CATSPERG: variants seen among roughly 807,000 people sequenced by gnomAD.
The protein encoded by CATSPERG is cation channel sperm-associated auxiliary subunit gamma.
CATSPERG carries 115 observed loss-of-function variants against 145.0 expected under a neutral mutation model. That is an observed-to-expected ratio of 0.79 (90% CI 0.68 to 0.93). The LOEUF is 0.93. Among genes scored for constraint, CATSPERG ranks in the 40% least tolerant of loss-of-function variants. CATSPERG has a pLI of 0.00. For synonymous variants in CATSPERG, 588 were observed against 589.0 expected, an observed-to-expected ratio of 1.00 and a Z score of 0.02; for missense variants, 1,296 against 1,490.1, an observed-to-expected ratio of 0.87 and a Z score of 2.14.
In CATSPERG at chr19:38,352,296, C is replaced by T. The variant is rs1488087584; in HGVS notation, c.861C>T (p.Tyr287=). The part of the protein sequence containing the change: ...SIDSCWVGSF[Y]CPHSGFTATI... ...ACAGTTGCTGGGTGGGCTCCTTCTA[C>T]TGCCCCCATTCTGGCTTCACAGCCA... The change falls in exon 8 of 29, where the codon TAC becomes TAT. Residue 287 remains tyrosine (Y), a synonymous_variant. Transcript: ENST00000409235. 2 of 1,551,590 alleles carry T rather than the reference C, an allele frequency of 1.3e-6. No individual in the cohort carries two copies. Among genetic ancestry groups the T allele is most frequent in the East Asian group, 2.4e-5 (1 of 40,936 alleles).
chr19:38,344,762 C>T (rs984503249), intron 6 of CATSPERG, among the ~76,000 whole-genome samples: 2 of 113,996 alleles, frequency 1.8e-5, no homozygotes, highest in East Asian at 3.0e-4. Context: ...ATATATAGTA[C>T]ATACCTGTAC....
chr19:38,360,521 C>A lies in CATSPERG; in HGVS notation c.1641C>A (p.Val547=), dbSNP rs957276895. The A allele has an allele frequency of 6.8e-6, 11 of 1,614,170 alleles. No individual in the cohort carries two copies. In the African/African-American group the frequency reaches 8.0e-5, roughly 12 times the overall value. Residue 547 remains valine (V), a synonymous_variant, in exon 15 of 29, where the codon GTC becomes GTA. Coordinates refer to ENST00000409235, the MANE Select transcript of CATSPERG (RefSeq NM_021185.5). ...IWYLLEGSYR[V]YQLFPSKGWQ... Reference sequence around the variant, plus strand: ...ACCTCCTGGAGGGCAGCTACCGGGTCTACCAGCTGTTCCCTTCCAAGGGCT... The same window carrying A: ...ACCTCCTGGAGGGCAGCTACCGGGTATACCAGCTGTTCCCTTCCAAGGGCT...
At chr19:38,362,684 G>C in intron 19 of CATSPERG, 30 bp from the exon 20 acceptor site, 1 of 1,610,704 alleles carries the variant, frequency 6.2e-7, no homozygotes. Context: ...CTGTGAGGGA[G>C]GCCTTAACCC....
At chr19:38,368,971 T>A (rs192836517) in intron 26 of CATSPERG, among the ~76,000 whole-genome samples, 143 of 152,208 alleles carry the variant, frequency 9.4e-4, no homozygotes, top group Admixed American at 4.8e-3. Flanking sequence ...TTAATTTTTG[T>A]ATTTTTTTTT....
In CATSPERG at chr19:38,343,646, C is replaced by T. The variant is rs920345457; in HGVS notation, c.391C>T (p.Gln131Ter). The change falls in exon 4 of 29, where the codon CAG becomes TAG. Residue 131 changes from glutamine (Q) to a stop codon, truncating the protein, a stop_gained. Coordinates refer to ENST00000409235, the MANE Select transcript of CATSPERG (RefSeq NM_021185.5). LOFTEE classifies it high-confidence loss of function. ...GLKPLVLVTF[Q>*]SPVNFYRWKI... The stretch of plus-strand genomic sequence containing the variant: ...AAAGCCCCTGGTGCTGGTCACCTTC[C>T]AGTCCCCAGTCAACTTCTACCGCTG... 3.9e-6 allele frequency: 6 copies of T among 1,551,552 alleles called. No individual in the cohort carries two copies. The highest frequency in any genetic ancestry group is 5.2e-6 in the Non-Finnish European group (6 of 1,146,944).
intron 3 of CATSPERG, among the ~76,000 whole-genome samples, chr19:38,342,817 TCTC>T (rs1346867814): frequency 4.0e-5 from 6 of 151,392 alleles, no homozygotes; most frequent in Non-Finnish European, 7.4e-5. Context: ...GAAACATCCT[TCTC>T]CTCTTCTCCC....
chr19:38,356,968 CA>C, intron 11 of CATSPERG, 107 bp downstream of exon 11: 1 of 1,408,730 alleles, frequency 7.1e-7, no homozygotes, highest in Non-Finnish European at 9.7e-7. Flanking sequence ...GGGAGGGCAA[CA>C]TTACCTGTGT....
At position 38,367,582 on chromosome 19, in the gene CATSPERG, T is replaced by C; in HGVS notation, c.2834+10T>C. The C allele has an allele frequency of 6.2e-7, 1 of 1,613,946 alleles. No homozygotes were observed. Among genetic ancestry groups the C allele is most frequent in the Non-Finnish European group, 8.5e-7 (1 of 1,179,856 alleles). ...GCAGTTTCCAGGGCAGGTAAAGGCG[T>C]GGCCAGCTTGCAGCTAGGGCAGGTG... On this transcript the variant is annotated intron_variant, in intron 24 of 28. Transcript: ENST00000409235.
chr19:38,353,208 C>T (rs994425718), intron 8 of CATSPERG, among the ~76,000 whole-genome samples: 1 of 150,930 alleles, frequency 6.6e-6, no homozygotes, highest in Non-Finnish European at 1.5e-5. Context: ...GTGGTGGGCA[C>T]CTGTTATTCC....
At chr19:38,359,869 C>T in intron 14 of CATSPERG, 15 of 1,143,016 alleles carry the variant, frequency 1.3e-5, no homozygotes, top group Non-Finnish European at 1.6e-5. Context: ...TGTGTGCCTG[C>T]CCCCGTGCTG....
At position 38,360,570 on chromosome 19, in the gene CATSPERG, C is replaced by T. The variant is rs200137453; in HGVS notation, c.1690C>T (p.Leu564=). The T allele has an allele frequency of 3.1e-4, 506 of 1,614,218 alleles. 2 individuals are homozygous for T. In the Middle Eastern group the frequency reaches 3.6e-3, roughly 12 times the overall value. Residue 564 remains leucine, a synonymous_variant, in exon 15 of 29, where the codon CTG becomes TTG. Transcript: ENST00000409235. ...CTGGCAGGTGCACATCAGCTTAAAG[C>T]TGATGCAACAGTCCTCTCTCTACGC... is the stretch of plus-strand genomic sequence containing the variant. ...KGWQVHISLK[L]MQQSSLYASN...
At chr19:38,357,010 C>A in intron 11 of CATSPERG, 149 bp downstream of exon 11, 2 of 1,026,128 alleles carry the variant, frequency 1.9e-6, no homozygotes, top group Non-Finnish European at 2.8e-6. Context: ...CAGTGGAGAA[C>A]AGGATATAGG....
intron 9 of CATSPERG, 53 bp from the exon 10 acceptor site, chr19:38,356,431 G>T (rs1970243943): frequency 6.3e-7 from 1 of 1,579,060 alleles, no homozygotes; most frequent in African/African-American, 1.3e-5. Context: ...GGCTTGATGG[G>T]CTGCCAGACA....
chr19:38,343,216 C>G (rs150824012), intron 3 of CATSPERG, among the ~76,000 whole-genome samples: 50 of 152,210 alleles, frequency 3.3e-4, no homozygotes, highest in African/African-American at 1.1e-3. Flanking sequence ...AAAGCAGCAC[C>G]CTGGGTGCCA....
In CATSPERG at chr19:38,343,707, C is replaced by T. The variant is rs1465302189; in HGVS notation, c.452C>T (p.Ala151Val). Reference protein sequence around the residue: ...IEQLQIQMEAAPFRSKEPCMA... With the variant: ...IEQLQIQMEAVPFRSKEPCMA... The stretch of plus-strand genomic sequence containing the variant: ...CAGCTGCAGATCCAGATGGAGGCTG[C>T]CCCCTTCCGCAGCAAAGGTGGGCCT... The change falls in exon 4 of 29, where the codon GCC (alanine) becomes GTC (valine). Residue 151 changes from alanine to valine, a missense_variant. By Grantham distance (64) the Ala-to-Val change is moderately conservative. Transcript: ENST00000409235. 2 of 1,550,574 alleles carry T rather than the reference C, an allele frequency of 1.3e-6. No homozygotes were observed. Among genetic ancestry groups the T allele is most frequent in the Non-Finnish European group, 1.7e-6 (2 of 1,146,936 alleles).
At chr19:38,338,636 C>T (rs1005170040) in intron 3 of CATSPERG, among the ~76,000 whole-genome samples, 2 of 152,114 alleles carry the variant, frequency 1.3e-5, no homozygotes, top group African/African-American at 4.8e-5. Context: ...GAACCTTCTG[C>T]ATCAGCCTCT....
intron 17 of CATSPERG, 127 bp from the exon 18 acceptor site, chr19:38,362,083 G>T: frequency 4.6e-6 from 5 of 1,092,182 alleles, no homozygotes; most frequent in Non-Finnish European, 6.7e-6. Context: ...GGATGGGCTG[G>T]GGTGTGTATC....
intron 18 of CATSPERG, 37 bp from the exon 19 acceptor site, chr19:38,362,339 C>T (rs755084964): frequency 1.2e-6 from 2 of 1,613,606 alleles, no homozygotes; most frequent in South Asian, 1.1e-5. Context: ...TGCCCCACCC[C>T]CGGCGCTGAC....
At position 38,370,915 on chromosome 19, in the gene CATSPERG, T is replaced by C; in HGVS notation, c.*123T>C. 1.8e-6 allele frequency: 2 copies of C among 1,109,766 alleles called. No individual in the cohort carries two copies. Among genetic ancestry groups the C allele is most frequent in the South Asian group, 1.5e-5 (1 of 66,700 alleles). The allele number at this position is 1,109,766 out of a possible 1,614,324, so 68.7% of individuals were successfully genotyped here. ...GTTTTGCTTGATGTTTACTTCTCGT[T>C]CAGACTCAAATAAAGCCTTTTTTCA... On this transcript the variant is annotated 3_prime_UTR_variant, in exon 29 of 29. Coordinates refer to ENST00000409235, the MANE Select transcript of CATSPERG (RefSeq NM_021185.5).
Sources: allele counts gnomAD v4.1 joint callset (sites outside exome capture counted in the v4.1 genomes callset), GRCh38; gene constraint gnomAD v4.1.1; transcripts MANE v1.5; gene names NCBI Gene and HGNC (gene_info 2026-07-23, HGNC 2026-07-21).